RBMS3: variants seen among roughly 807,000 people sequenced by gnomAD.
The protein encoded by RBMS3 is RNA-binding motif, single-stranded-interacting protein 3.
A neutral mutation model predicts 66.8 loss-of-function variants in RBMS3; 27 were observed. The observed-to-expected ratio is 0.40, with a 90% CI of 0.30 to 0.56. RBMS3 has a LOEUF of 0.56. RBMS3 is among the 20% of genes least tolerant of loss of function. The pLI is 0.40. For synonymous variants in RBMS3, 188 were observed against 183.0 expected (o/e 1.03, Z -0.22); for missense variants, 513 against 549.5 (o/e 0.93, Z 0.66).
At chr3:29,517,104 C>G (rs1002575302) in intron 3 of RBMS3, among the ~76,000 whole-genome samples, 1 of 151,642 alleles carries the variant, frequency 6.6e-6, no homozygotes, top group Non-Finnish European at 1.5e-5. Flanking sequence ...GCCCAGCTAC[C>G]CAGGAGGCTG....
intron 4 of RBMS3, among the ~76,000 whole-genome samples, chr3:29,664,702 T>TA (rs1220568845): frequency 1.5e-4 from 23 of 152,160 alleles, no homozygotes; most frequent in African/African-American, 5.5e-4. Flanking sequence ...GTACTTTATT[T>TA]TTTTTAGAGC....
chr3:29,698,258 G>T, intron 4 of RBMS3: 1 of 985,366 alleles, frequency 1.0e-6, no homozygotes, highest in Non-Finnish European at 1.2e-6. Context: ...TACATACACA[G>T]CAAATGCAGC....
At chr3:29,628,033 A>G (rs2049135556) in intron 4 of RBMS3, among the ~76,000 whole-genome samples, 1 of 152,174 alleles carries the variant, frequency 6.6e-6, no homozygotes, top group Non-Finnish European at 1.5e-5. Context: ...TATTGAACAG[A>G]CATATTAAAT....
At chr3:29,331,578 A>G (rs950418398) in intron 1 of RBMS3, among the ~76,000 whole-genome samples, 1 of 152,114 alleles carries the variant, frequency 6.6e-6, no homozygotes, top group African/African-American at 2.4e-5. Flanking sequence ...CCTTGCTTCC[A>G]GGAAACCAGA....
intron 5 of RBMS3, 174 bp downstream of exon 5, chr3:29,740,051 C>T (rs2149349826): frequency 2.1e-6 from 1 of 473,744 alleles, no homozygotes; most frequent in Middle Eastern, 5.9e-4. Flanking sequence ...TAAATAATTT[C>T]AATGTAATTA....
At chr3:29,917,959 C>T (rs1368359152) in intron 10 of RBMS3, among the ~76,000 whole-genome samples, 3 of 151,970 alleles carry the variant, frequency 2.0e-5, no homozygotes, top group Non-Finnish European at 4.4e-5. Flanking sequence ...TTTCATGAGG[C>T]AATTATATAA....
At chr3:29,815,129 G>C (rs1397369059) in intron 6 of RBMS3, among the ~76,000 whole-genome samples, 1 of 152,098 alleles carries the variant, frequency 6.6e-6, no homozygotes, top group Admixed American at 6.6e-5. Context: ...GAAGGGACCT[G>C]GTGTCTCATC....
At chr3:29,966,302 G>T (rs1696844499) in intron 12 of RBMS3, among the ~76,000 whole-genome samples, 1 of 152,102 alleles carries the variant, frequency 6.6e-6, no homozygotes, top group Admixed American at 6.6e-5. Flanking sequence ...ACTGCTTTTG[G>T]CAGTATGGTC....
intron 1 of RBMS3, among the ~76,000 whole-genome samples, chr3:29,364,820 A>G (rs2037805991): frequency 1.3e-5 from 2 of 151,936 alleles, no homozygotes; most frequent in Admixed American, 1.3e-4. Flanking sequence ...TGCCTTTTCC[A>G]TTTTCTTATA....
At chr3:29,759,498 A>G (rs1239953897) in intron 5 of RBMS3, among the ~76,000 whole-genome samples, 1 of 152,108 alleles carries the variant, frequency 6.6e-6, no homozygotes, top group Non-Finnish European at 1.5e-5. Flanking sequence ...AGTTGTAGTG[A>G]TTCAGTGGCC....
intron 2 of RBMS3, among the ~76,000 whole-genome samples, chr3:29,465,393 C>A (rs2042503437): frequency 6.7e-6 from 1 of 149,114 alleles, no homozygotes; most frequent in Non-Finnish European, 1.5e-5. Context: ...AACACTGTAG[C>A]ACTTAAATAA....
chr3:29,369,324 A>G (rs1387205966), intron 1 of RBMS3, among the ~76,000 whole-genome samples: 2 of 152,010 alleles, frequency 1.3e-5, no homozygotes, highest in African/African-American at 4.8e-5. Flanking sequence ...AATTTTAAAA[A>G]TCTCACAAAT....
intron 4 of RBMS3, among the ~76,000 whole-genome samples, chr3:29,699,692 T>G (rs1055113045): frequency 3.9e-5 from 6 of 152,222 alleles, no homozygotes; most frequent in Admixed American, 3.9e-4. Context: ...AGTGTCCGCA[T>G]AGTATGGTAA....
intron 4 of RBMS3, among the ~76,000 whole-genome samples, chr3:29,690,570 T>A (rs931544157): frequency 6.6e-6 from 1 of 152,270 alleles, no homozygotes; most frequent in African/African-American, 2.4e-5. Context: ...TATATTTTCA[T>A]GACTCAGTTT....
chr3:29,963,584 G>A (rs1287488347), intron 12 of RBMS3, among the ~76,000 whole-genome samples: 4 of 152,036 alleles, frequency 2.6e-5, no homozygotes, highest in African/African-American at 9.7e-5. Flanking sequence ...TCCCAGCACT[G>A]TGGGAGGCCA....
chr3:29,364,586 T>G (rs1485074174), intron 1 of RBMS3, among the ~76,000 whole-genome samples: 1 of 152,164 alleles, frequency 6.6e-6, no homozygotes, highest in Non-Finnish European at 1.5e-5. Flanking sequence ...TCATAGATAG[T>G]ATCAGTCTTG....
chr3:29,837,889 G>T (rs1278395974), intron 6 of RBMS3, among the ~76,000 whole-genome samples: 1 of 150,910 alleles, frequency 6.6e-6, no homozygotes, highest in African/African-American at 2.4e-5. Flanking sequence ...CAGAGCCCTG[G>T]TACTGCATTC....
intron 5 of RBMS3, among the ~76,000 whole-genome samples, chr3:29,748,574 A>T (rs1360723096): frequency 6.6e-6 from 1 of 152,236 alleles, no homozygotes; most frequent in African/African-American, 2.4e-5. Flanking sequence ...GAACATGAAG[A>T]TAATGGTAGA....
intron 1 of RBMS3, among the ~76,000 whole-genome samples, chr3:29,304,495 A>T (rs760741707): frequency 2.0e-5 from 3 of 151,942 alleles, no homozygotes; most frequent in Non-Finnish European, 4.4e-5. Context: ...AATCATGCTG[A>T]CGAAGTCCTG....
Sources: gnomAD v4.1 joint callset for allele counts (sites outside exome capture counted in the v4.1 genomes callset) on GRCh38, gnomAD v4.1.1 for gene constraint, MANE v1.5 for transcripts, NCBI Gene and HGNC (gene_info 2026-07-23, HGNC 2026-07-21) for gene names.